SND1: variants seen among roughly 807,000 people sequenced by gnomAD.
The protein encoded by SND1 is staphylococcal nuclease domain-containing protein 1.
In SND1, 38 loss-of-function variants were observed where a neutral mutation model predicts 121.7. The observed-to-expected ratio is 0.31, with a 90% CI of 0.24 to 0.41. The LOEUF is 0.41. SND1 is among the 10% of genes least tolerant of loss of function. The pLI is 1.00. For missense variants in SND1, 868 were observed against 1,184.6 expected, an observed-to-expected ratio of 0.73 and a Z score of 3.92; for synonymous variants, 401 against 447.4, an observed-to-expected ratio of 0.90 and a Z score of 1.31.
intron 10 of SND1, among the ~76,000 whole-genome samples, chr7:127,761,151 G>A (rs1797298759): frequency 1.3e-5 from 2 of 152,152 alleles, no homozygotes; most frequent in South Asian, 4.1e-4. Flanking sequence ...TTAGCATGCT[G>A]AAGAATTTTG....
chr7:127,707,854 C>A (rs1048372099), intron 9 of SND1, among the ~76,000 whole-genome samples: 1 of 149,566 alleles, frequency 6.7e-6, no homozygotes, highest in African/African-American at 2.5e-5. Context: ...ATTTAAATTT[C>A]TTTGTAAATT....
chr7:127,672,902 G>A lies in SND1; in HGVS notation c.79-13711G>A, dbSNP rs528165241. 1.6e-4 allele frequency among the ~76,000 whole-genome samples: 25 copies of A among 152,070 alleles called. No homozygotes were observed. In the South Asian group the frequency reaches 3.9e-3, roughly 24 times the overall value. The stretch of plus-strand genomic sequence containing the variant: ...AGAAATACCACATAAATGATGCTAA[G>A]TTCTCCTCAGTGCACCATATCAGTG... On this transcript the variant is annotated intron_variant, in intron 1 of 23. Coordinates refer to ENST00000354725, the MANE Select transcript of SND1 (RefSeq NM_014390.4).
At chr7:128,030,248 G>C in intron 16 of SND1, 1 of 1,614,202 alleles carries the variant, frequency 6.2e-7, no homozygotes, top group Non-Finnish European at 8.5e-7. Context: ...GCCAGTTGTC[G>C]AACAGCTCCA....
intron 3 of SND1, among the ~76,000 whole-genome samples, chr7:127,695,992 G>A (rs1796000774): frequency 6.6e-6 from 1 of 152,190 alleles, no homozygotes; most frequent in African/African-American, 2.4e-5. Context: ...GAAATAGGAT[G>A]TTGAAAGAGG....
chr7:127,889,507 T>C (rs1210662324), intron 13 of SND1, among the ~76,000 whole-genome samples: 1 of 152,142 alleles, frequency 6.6e-6, no homozygotes, highest in Non-Finnish European at 1.5e-5. Context: ...TTATCCTTCA[T>C]GTTACAAACA....
intron 10 of SND1, among the ~76,000 whole-genome samples, chr7:127,786,016 T>G (rs1797805575): frequency 1.3e-5 from 2 of 152,140 alleles, no homozygotes; most frequent in African/African-American, 2.4e-5. Flanking sequence ...TCAGGAAAGA[T>G]GTCTAAAAAA....
At chr7:127,739,768 G>T (rs1452236657) in intron 10 of SND1, among the ~76,000 whole-genome samples, 1 of 152,184 alleles carries the variant, frequency 6.6e-6, no homozygotes. Flanking sequence ...CTTGTCCTAG[G>T]TCTGAGGGTT....
At chr7:128,023,081 C>T (rs1352772183) in intron 16 of SND1, among the ~76,000 whole-genome samples, 1 of 152,210 alleles carries the variant, frequency 6.6e-6, no homozygotes, top group Non-Finnish European at 1.5e-5. Context: ...GTCCAGCCAG[C>T]CTCTTGCTTG....
intron 16 of SND1, among the ~76,000 whole-genome samples, chr7:128,024,433 T>G (rs1803429510): frequency 6.6e-6 from 1 of 152,176 alleles, no homozygotes; most frequent in African/African-American, 2.4e-5. Flanking sequence ...TTTGTTGCAG[T>G]GAAATGATGG....
At chr7:127,889,515 A>T (rs1432051767) in intron 13 of SND1, among the ~76,000 whole-genome samples, 1 of 152,096 alleles carries the variant, frequency 6.6e-6, no homozygotes, top group East Asian at 1.9e-4. Context: ...CATGTTACAA[A>T]CAATCTAGTT....
At chr7:127,893,686 G>A (rs1800058973) in intron 13 of SND1, among the ~76,000 whole-genome samples, 2 of 151,960 alleles carry the variant, frequency 1.3e-5, no homozygotes, top group Admixed American at 1.3e-4. Flanking sequence ...AAGAGAAAAG[G>A]GCAGGCTCTC....
At chr7:127,949,177 G>A (rs1188288372) in intron 15 of SND1, 3 of 152,172 alleles carry the variant, frequency 2.0e-5, no homozygotes, top group Non-Finnish European at 4.4e-5. Context: ...ACAGGGAGCT[G>A]GCAAATAAAT....
chr7:127,753,138 A>G lies in SND1; in HGVS notation c.1152+31738A>G, dbSNP rs10243362. Among the ~76,000 whole-genome samples the G allele has an allele frequency of 5.1e-3, 774 of 152,298 alleles. 5 individuals carry two copies. The highest frequency in any genetic ancestry group is 0.017 in the African/African-American group (718 of 41,552). On this transcript the variant is annotated intron_variant, in intron 10 of 23. Coordinates refer to ENST00000354725, the MANE Select transcript of SND1 (RefSeq NM_014390.4). ...CCCCCATCAGAGCTGCAAAGTGTCA[A>G]AATTTCAGTGCCTGCTCTTGGATAA...
intron 2 of SND1, among the ~76,000 whole-genome samples, chr7:127,688,561 A>G (rs1022233929): frequency 7.3e-5 from 11 of 151,456 alleles, no homozygotes; most frequent in Admixed American, 1.3e-4. Flanking sequence ...AAAAAAAAAA[A>G]AAAAGAAAAA....
Position 128,044,407 on chromosome 7 carries a change from G to A in SND1, c.1780-30095G>A, listed in dbSNP as rs543685195. Among the ~76,000 whole-genome samples, 7 of 152,288 alleles carry A rather than the reference G, an allele frequency of 4.6e-5. No individual in the cohort carries two copies. The East Asian group carries it at 1.3e-3, about 29-fold the overall frequency. ...TGATTTCCAGAGACCTTTGTCCCATGGGATAGGTAAGATGAGCAGAAAATC... is the reference window on the plus strand; with the variant it reads ...TGATTTCCAGAGACCTTTGTCCCATAGGATAGGTAAGATGAGCAGAAAATC... On this transcript the variant is annotated intron_variant, in intron 16 of 23. Transcript: ENST00000354725.
At chr7:127,958,336 A>C (rs1321094220) in intron 15 of SND1, among the ~76,000 whole-genome samples, 1 of 152,234 alleles carries the variant, frequency 6.6e-6, no homozygotes, top group Non-Finnish European at 1.5e-5. Context: ...TACATACAAC[A>C]ACCCTATTTT....
intron 11 of SND1, among the ~76,000 whole-genome samples, chr7:127,829,634 A>C (rs1798704524): frequency 6.6e-6 from 1 of 152,200 alleles, no homozygotes; most frequent in Non-Finnish European, 1.5e-5. Flanking sequence ...ACTTTCTCTT[A>C]TTATAGCTGC....
intron 16 of SND1, among the ~76,000 whole-genome samples, chr7:128,049,779 A>C (rs781734119): frequency 3.3e-5 from 5 of 152,192 alleles, no homozygotes; most frequent in Non-Finnish European, 7.4e-5. Context: ...TATGGGAAGA[A>C]ATTGGCTAGA....
At chr7:127,960,200 T>C (rs1801699455) in intron 15 of SND1, among the ~76,000 whole-genome samples, 1 of 152,240 alleles carries the variant, frequency 6.6e-6, no homozygotes, top group Non-Finnish European at 1.5e-5. Context: ...CACCCTGTTT[T>C]TCTTAAGCTT....
Sources: gnomAD v4.1 joint callset for allele counts (sites outside exome capture counted in the v4.1 genomes callset) on GRCh38, gnomAD v4.1.1 for gene constraint, MANE v1.5 for transcripts, NCBI Gene and HGNC (gene_info 2026-07-23, HGNC 2026-07-21) for gene names.